Variants in LINGO2 observed in about 807,000 individuals in gnomAD.
LINGO2 encodes leucine-rich repeat and immunoglobulin-like domain-containing nogo receptor-interacting protein 2.
In LINGO2, 14 loss-of-function variants were observed where a neutral mutation model predicts 30.6. The observed-to-expected ratio is 0.46, with a 90% CI of 0.30 to 0.72. The LOEUF is 0.72. Ranked by LOEUF, LINGO2 falls within the 30% of genes least tolerant of loss-of-function variation. The probability of loss-of-function intolerance (pLI) is 0.07; values close to 1 mark genes in which losing one functional copy is unlikely to be tolerated. For missense variants in LINGO2, 729 were observed against 751.7 expected (o/e 0.97, Z 0.35); for synonymous variants, 317 against 288.5 (o/e 1.10, Z -1.00).
chr9:29,192,947 C>T, the LINGO2 span, among the ~76,000 whole-genome samples: 1 of 152,298 alleles, frequency 6.6e-6, no homozygotes, highest in Admixed American at 6.5e-5. Context: ...GTTGTGGTAT[C>T]TTAGAGGAAG....
At chr9:28,768,036 A>C in the LINGO2 span, among the ~76,000 whole-genome samples, 1 of 152,176 alleles carries the variant, frequency 6.6e-6, no homozygotes. Flanking sequence ...TGGAGGTGCG[A>C]AATAGTGGTA....
chr9:28,112,077 A>G (rs1373705051), intron 4 of LINGO2, among the ~76,000 whole-genome samples: 1 of 99,324 alleles, frequency 1.0e-5, no homozygotes, highest in Non-Finnish European at 2.0e-5. Flanking sequence ...ACCCCACCAC[A>G]GTCCCCAGAG....
At chr9:27,968,590 C>T (rs1820209842) in intron 5 of LINGO2, among the ~76,000 whole-genome samples, 2 of 152,016 alleles carry the variant, frequency 1.3e-5, no homozygotes, top group South Asian at 2.1e-4. Context: ...GTTCTGCTTT[C>T]TCTTCATTTT....
At chr9:27,962,898 C>T (rs1470360853) in intron 5 of LINGO2, among the ~76,000 whole-genome samples, 1 of 152,144 alleles carries the variant, frequency 6.6e-6, no homozygotes, top group South Asian at 2.1e-4. Context: ...ATGATTAGTA[C>T]GTACCTTTTA....
At chr9:28,118,007 T>A (rs1452002047) in intron 4 of LINGO2, among the ~76,000 whole-genome samples, 2 of 151,882 alleles carry the variant, frequency 1.3e-5, no homozygotes, top group African/African-American at 4.8e-5. Context: ...GTAAGTGTCT[T>A]ACTTATAAGT....
chr9:28,875,296 T>C, the LINGO2 span, among the ~76,000 whole-genome samples: 1 of 152,088 alleles, frequency 6.6e-6, no homozygotes, highest in Non-Finnish European at 1.5e-5. Context: ...TCTTTCTGAA[T>C]ATGTGCGTGC....
chr9:28,132,232 T>C (rs1460493467), intron 4 of LINGO2, among the ~76,000 whole-genome samples: 1 of 152,228 alleles, frequency 6.6e-6, no homozygotes, highest in Non-Finnish European at 1.5e-5. Flanking sequence ...CTTTTCTTTC[T>C]AGTTTATTAT....
At chr9:27,985,329 A>G (rs997007458) in intron 5 of LINGO2, among the ~76,000 whole-genome samples, 1 of 151,932 alleles carries the variant, frequency 6.6e-6, no homozygotes, top group Non-Finnish European at 1.5e-5. Context: ...ACAGCTCCAC[A>G]ACAAGGCATC....
chr9:28,024,545 T>C (rs1035803979), intron 4 of LINGO2, among the ~76,000 whole-genome samples: 1 of 152,172 alleles, frequency 6.6e-6, no homozygotes. Context: ...TTTCAGATCT[T>C]CAGATTTTGC....
intron 4 of LINGO2, among the ~76,000 whole-genome samples, chr9:28,219,523 C>A (rs1284852989): frequency 1.3e-5 from 2 of 152,092 alleles, no homozygotes; most frequent in African/African-American, 4.8e-5. Flanking sequence ...ATGTGAATAC[C>A]TATTCCTTAA....
At chr9:28,873,349 T>C in the LINGO2 span, among the ~76,000 whole-genome samples, 2 of 142,020 alleles carry the variant, frequency 1.4e-5, no homozygotes, top group East Asian at 2.1e-4. Flanking sequence ...TTGCACTCTC[T>C]AGCCTGGATG....
At chr9:28,156,455 C>T (rs186957831) in intron 4 of LINGO2, among the ~76,000 whole-genome samples, 2 of 152,318 alleles carry the variant, frequency 1.3e-5, no homozygotes, top group African/African-American at 2.4e-5. Context: ...TACATCCAAT[C>T]TTATGACACA....
intron 1 of LINGO2, among the ~76,000 whole-genome samples, chr9:28,569,045 T>C (rs1470425276): frequency 2.0e-5 from 3 of 152,072 alleles, no homozygotes; most frequent in African/African-American, 4.8e-5. Context: ...ATTCTAAGTA[T>C]TGCTTATCAT....
chr9:29,047,684 T>G, the LINGO2 span, among the ~76,000 whole-genome samples: 1 of 152,326 alleles, frequency 6.6e-6, no homozygotes, highest in African/African-American at 2.4e-5. Context: ...AAAAAAATTA[T>G]ACTTGTTTGC....
intron 3 of LINGO2, among the ~76,000 whole-genome samples, chr9:28,296,818 T>G (rs982702731): frequency 2.0e-5 from 3 of 152,204 alleles, no homozygotes; most frequent in Non-Finnish European, 4.4e-5. Flanking sequence ...CTAAAATTTT[T>G]GTATTTATTG....
chr9:28,338,495 A>C (rs1349117832), intron 3 of LINGO2, among the ~76,000 whole-genome samples: 5 of 152,100 alleles, frequency 3.3e-5, no homozygotes, highest in Non-Finnish European at 7.4e-5. Context: ...TTGAAATGTG[A>C]GGACATGAGA....
intron 2 of LINGO2, among the ~76,000 whole-genome samples, chr9:28,415,289 C>T (rs1822921851): frequency 6.6e-6 from 1 of 152,146 alleles, no homozygotes; most frequent in Non-Finnish European, 1.5e-5. Context: ...GGGTCTTTCT[C>T]TTAGCTCCCT....
chr9:29,068,415 G>A, the LINGO2 span, among the ~76,000 whole-genome samples: 1 of 151,714 alleles, frequency 6.6e-6, no homozygotes, highest in Non-Finnish European at 1.5e-5. Flanking sequence ...TGTGCAATAA[G>A]TAATGTCTTG....
intron 1 of LINGO2, among the ~76,000 whole-genome samples, chr9:28,647,269 T>C (rs988815855): frequency 6.6e-6 from 1 of 152,136 alleles, no homozygotes; most frequent in Non-Finnish European, 1.5e-5. Context: ...CACCTCTTAC[T>C]TCCCATAATA....
Sources: allele counts gnomAD v4.1 joint callset (sites outside exome capture counted in the v4.1 genomes callset), GRCh38; gene constraint gnomAD v4.1.1; transcripts MANE v1.5; gene names NCBI Gene and HGNC (gene_info 2026-07-23, HGNC 2026-07-21).